Variants in HPSE2 observed in about 807,000 individuals in gnomAD.
HPSE2 encodes heparanase 2 (inactive), also known as inactive heparanase-2.
A neutral mutation model predicts 60.5 loss-of-function variants in HPSE2; 38 were observed. The observed-to-expected ratio is 0.63, with a 90% CI of 0.48 to 0.82. The LOEUF is 0.82. Among genes scored for constraint, HPSE2 ranks in the 40% least tolerant of loss-of-function variants. HPSE2 has a pLI of 0.00. For synonymous variants in HPSE2, 295 were observed against 293.2 expected, an observed-to-expected ratio of 1.01 and a Z score of -0.06; for missense variants, 713 against 740.4, an observed-to-expected ratio of 0.96 and a Z score of 0.43.
intron 3 of HPSE2, among the ~76,000 whole-genome samples, chr10:99,070,648 A>G (rs1842757905): frequency 6.6e-6 from 1 of 152,190 alleles, no homozygotes; most frequent in Non-Finnish European, 1.5e-5. Context: ...ATTGGATAGC[A>G]GATCCCCATT....
At chr10:99,262,426 C>A in the HPSE2 span, among the ~76,000 whole-genome samples, 18 of 152,054 alleles carry the variant, frequency 1.2e-4, no homozygotes, top group Admixed American at 1.2e-3. Context: ...TGCCCTTTTC[C>A]CCAGTTCAAA....
At chr10:99,098,959 A>G (rs1279470609) in intron 3 of HPSE2, among the ~76,000 whole-genome samples, 1 of 152,186 alleles carries the variant, frequency 6.6e-6, no homozygotes, top group Admixed American at 6.5e-5. Context: ...ATTATATTTT[A>G]AACATCTCCT....
chr10:98,884,476 C>A (rs553425991), intron 3 of HPSE2, among the ~76,000 whole-genome samples: 1 of 152,256 alleles, frequency 6.6e-6, no homozygotes, highest in East Asian at 1.9e-4. Flanking sequence ...CTGATTCTCT[C>A]GTTAGGGGCT....
chr10:98,990,453 G>A (rs10883241), intron 3 of HPSE2, among the ~76,000 whole-genome samples: 72,499 of 151,950 alleles, frequency 0.48, 19,362 homozygotes, highest in East Asian at 0.62. Flanking sequence ...AGGCAGTAAC[G>A]CCAAGTGATG....
At chr10:98,746,733 C>T (rs1340054739) in intron 3 of HPSE2, among the ~76,000 whole-genome samples, 1 of 151,360 alleles carries the variant, frequency 6.6e-6, no homozygotes, top group Non-Finnish European at 1.5e-5. Context: ...ATTGATACAA[C>T]AGAAATTTGT....
chr10:99,209,648 G>A lies in HPSE2; in HGVS notation c.448+22700C>T, dbSNP rs938923572. The stretch of plus-strand genomic sequence containing the variant: ...AGATCAGAGCAGAAATAATAAAATA[G>A]TGACTAGAAAAACAATAGAAAATAT... On this transcript the variant is annotated intron_variant, in intron 2 of 11. Coordinates refer to ENST00000370552, the MANE Select transcript of HPSE2 (RefSeq NM_021828.5). Among the ~76,000 whole-genome samples, 4 of 152,156 alleles carry A rather than the reference G, an allele frequency of 2.6e-5. No individual in the cohort carries two copies. In the South Asian group the frequency reaches 8.3e-4, roughly 32 times the overall value.
chr10:99,290,482 T>A, the HPSE2 span, among the ~76,000 whole-genome samples: 1 of 152,232 alleles, frequency 6.6e-6, no homozygotes, highest in Non-Finnish European at 1.5e-5. Flanking sequence ...AGCAACTCAC[T>A]GTTAAGGGAT....
At chr10:99,065,467 A>C (rs752438474) in intron 3 of HPSE2, among the ~76,000 whole-genome samples, 2 of 152,224 alleles carry the variant, frequency 1.3e-5, no homozygotes, top group Non-Finnish European at 2.9e-5. Flanking sequence ...ATAACTGCTA[A>C]ATTTTAAAAA....
At chr10:98,819,693 G>A (rs1020703055) in intron 3 of HPSE2, among the ~76,000 whole-genome samples, 24 of 152,006 alleles carry the variant, frequency 1.6e-4, no homozygotes, top group African/African-American at 5.8e-4. Context: ...ATCTACAACA[G>A]ACATTGGACA....
chr10:99,177,737 T>A (rs1005338415), intron 2 of HPSE2, among the ~76,000 whole-genome samples: 16 of 152,066 alleles, frequency 1.1e-4, no homozygotes, highest in African/African-American at 2.9e-4. Context: ...AACAAGGATA[T>A]TCAGGACTTG....
intron 11 of HPSE2, among the ~76,000 whole-genome samples, chr10:98,465,876 T>A (rs952219840): frequency 2.0e-5 from 3 of 152,160 alleles, no homozygotes; most frequent in Non-Finnish European, 2.9e-5. Flanking sequence ...TTTATCACCA[T>A]CTGTTTTTAC....
At chr10:98,727,883 G>A (rs921735099) in intron 4 of HPSE2, among the ~76,000 whole-genome samples, 2 of 152,024 alleles carry the variant, frequency 1.3e-5, no homozygotes, top group African/African-American at 4.8e-5. Context: ...GCCAGAAGAT[G>A]GTAGGATGAT....
At chr10:98,989,511 G>A (rs1019706547) in intron 3 of HPSE2, among the ~76,000 whole-genome samples, 5 of 144,654 alleles carry the variant, frequency 3.5e-5, no homozygotes, top group Non-Finnish European at 1.5e-5. Flanking sequence ...TGGGGGGAGG[G>A]GGGAGGGATA....
chr10:98,475,660 T>C (rs1380635041), intron 11 of HPSE2, among the ~76,000 whole-genome samples: 1 of 152,212 alleles, frequency 6.6e-6, no homozygotes, highest in East Asian at 1.9e-4. Flanking sequence ...CCTATTGATA[T>C]AGATTTTTAT....
chr10:98,637,933 G>A (rs1292938229), intron 7 of HPSE2, among the ~76,000 whole-genome samples: 1 of 151,622 alleles, frequency 6.6e-6, no homozygotes, highest in African/African-American at 2.4e-5. Context: ...GAGCTCAAGA[G>A]TTCAAGACAA....
intron 3 of HPSE2, among the ~76,000 whole-genome samples, chr10:99,039,767 T>C (rs906915432): frequency 6.6e-6 from 1 of 151,816 alleles, no homozygotes; most frequent in Non-Finnish European, 1.5e-5. Context: ...ACAAGTAAAA[T>C]GGAAATAGTC....
Position 98,591,539 on chromosome 10 carries a change from C to T in HPSE2, c.1320+23365G>A, listed in dbSNP as rs113620557. ...TTAGCCAGGCGTGGTAGTGTGCGCCCATAATCCCAGCTACTTGGGAGTTGA... is the reference window on the plus strand; with the variant it reads ...TTAGCCAGGCGTGGTAGTGTGCGCCTATAATCCCAGCTACTTGGGAGTTGA... On this transcript the variant is annotated intron_variant, in intron 9 of 11. Transcript: ENST00000370552. 4.3e-3 allele frequency among the ~76,000 whole-genome samples: 653 copies of T among 152,090 alleles called. 3 individuals are homozygous for T. Among genetic ancestry groups the T allele is most frequent in the African/African-American group, 0.015 (629 of 41,498 alleles).
chr10:99,159,200 G>T (rs1846719410), intron 2 of HPSE2, among the ~76,000 whole-genome samples: 1 of 151,996 alleles, frequency 6.6e-6, no homozygotes, highest in South Asian at 2.1e-4. Context: ...AAAAAGATAA[G>T]TCAATAAAAC....
At chr10:98,487,880 C>T (rs939882779) in intron 10 of HPSE2, among the ~76,000 whole-genome samples, 16 of 152,336 alleles carry the variant, frequency 1.1e-4, no homozygotes, top group African/African-American at 3.4e-4. Flanking sequence ...CTTTGAGCTG[C>T]CCTAGCTGGA....
Sources: allele counts gnomAD v4.1 joint callset (sites outside exome capture counted in the v4.1 genomes callset), GRCh38; gene constraint gnomAD v4.1.1; transcripts MANE v1.5; gene names NCBI Gene and HGNC (gene_info 2026-07-23, HGNC 2026-07-21).